ZNF717: variants seen among roughly 807,000 people sequenced by gnomAD.
The protein encoded by ZNF717 is krueppel-like factor X17.
Under a neutral mutation model 13.8 loss-of-function variants are expected in ZNF717, and 9 were observed. The observed-to-expected ratio is 0.65, with a 90% CI of 0.39 to 1.14. The LOEUF is 1.14. Ranked by LOEUF, ZNF717 falls within the 50% of genes most tolerant of loss-of-function variation. The pLI, the probability that ZNF717 is intolerant of heterozygous loss-of-function variation, is 0.01. For synonymous variants in ZNF717, 327 were observed against 364.1 expected (o/e 0.90, Z 1.16); for missense variants, 1,040 against 1,080.7 (o/e 0.96, Z 0.53).
downstream of ZNF717, among the ~76,000 whole-genome samples, chr3:75,734,991 A>G (rs1465905743): frequency 6.6e-6 from 1 of 150,834 alleles, no homozygotes; most frequent in Non-Finnish European, 1.5e-5. Flanking sequence ...ACGTCCAGCT[A>G]ATTTTTTGTA....
At chr3:75,714,378 A>C (rs1401472180) in intron 5 of ZNF717, among the ~76,000 whole-genome samples, 3 of 152,032 alleles carry the variant, frequency 2.0e-5, no homozygotes, top group Non-Finnish European at 2.9e-5. Flanking sequence ...TCTTCTGGTA[A>C]CTTCTCACTA....
chr3:75,754,076 C>A (rs369202376), intron 2 of ZNF717, among the ~76,000 whole-genome samples: 2 of 152,258 alleles, frequency 1.3e-5, no homozygotes, highest in African/African-American at 4.8e-5. Context: ...AGAGTCGTTG[C>A]GAGTGTCTGA....
chr3:75,770,393 T>C (rs1943795513), intron 2 of ZNF717, among the ~76,000 whole-genome samples: 1 of 152,082 alleles, frequency 6.6e-6, no homozygotes, highest in Admixed American at 6.6e-5. Flanking sequence ...AAACCCCATC[T>C]CTACTAAAAA....
At chr3:75,757,243 G>T (rs7432134) in intron 2 of ZNF717, among the ~76,000 whole-genome samples, 3 of 151,452 alleles carry the variant, frequency 2.0e-5, no homozygotes, top group Admixed American at 2.0e-4. Flanking sequence ...TCCCAGCTAG[G>T]GAGGAGTTGA....
At chr3:75,739,382 G>C in intron 4 of ZNF717, 37 bp from the exon 5 acceptor site, 3 of 1,408,956 alleles carry the variant, frequency 2.1e-6, no homozygotes, top group African/African-American at 1.4e-5. Flanking sequence ...AACCACACAT[G>C]AGCATGTCTT....
intron 4 of ZNF717, among the ~76,000 whole-genome samples, chr3:75,722,122 T>G (rs1384417611): frequency 1.3e-4 from 19 of 147,988 alleles, no homozygotes; most frequent in Non-Finnish European, 2.2e-4. Context: ...TAGCTGGGCG[T>G]GGTGGTGGGC....
chr3:75,724,325 C>T (rs1938233083), intron 4 of ZNF717, among the ~76,000 whole-genome samples: 1 of 152,268 alleles, frequency 6.6e-6, no homozygotes, highest in South Asian at 2.1e-4. Flanking sequence ...TCTATGATCT[C>T]TCATCTCTGC....
At chr3:75,701,905 T>C (rs143504000) in intron 6 of ZNF717, among the ~76,000 whole-genome samples, 8,135 of 145,428 alleles carry the variant, frequency 0.056, no homozygotes, top group Non-Finnish European at 0.087. Context: ...CTGATCATCA[T>C]AGAAATGCAA....
At chr3:75,734,813 A>ATTT (rs1196032873), downstream of ZNF717, among the ~76,000 whole-genome samples, 13 of 60,066 alleles carry the variant, frequency 2.2e-4, no homozygotes, top group African/African-American at 9.8e-4. Flanking sequence ...ATATATATAT[A>ATTT]TATATTTTTT....
chr3:75,762,107 G>C (rs566954254), intron 2 of ZNF717, among the ~76,000 whole-genome samples: 179 of 146,466 alleles, frequency 1.2e-3, no homozygotes, highest in African/African-American at 4.2e-3. Context: ...AAAAAGAAAA[G>C]AAAGAAAAAG....
chr3:75,782,519 T>C (rs191979163), intron 2 of ZNF717, among the ~76,000 whole-genome samples: 302 of 142,838 alleles, frequency 2.1e-3, no homozygotes, highest in African/African-American at 6.7e-3. Flanking sequence ...CGTGCTTTAG[T>C]GGAAGATGAC....
exon 6 of ZNF717, chr3:75,709,772 A>C (rs1437379023): frequency 6.6e-6 from 1 of 152,166 alleles, no homozygotes. Context: ...TTTTCTTATT[A>C]CTAGTGACTC....
downstream of ZNF717, among the ~76,000 whole-genome samples, chr3:75,733,328 C>A (rs1167520987): frequency 2.0e-5 from 3 of 152,218 alleles, no homozygotes; most frequent in Non-Finnish European, 4.4e-5. Context: ...ATGTCAGACA[C>A]CAAACCAAAG....
chr3:75,779,296 G>A (rs1486446232), intron 2 of ZNF717, among the ~76,000 whole-genome samples: 1 of 150,174 alleles, frequency 6.7e-6, no homozygotes, highest in African/African-American at 2.5e-5. Flanking sequence ...GGAGTGATCT[G>A]CTAAAACCAG....
chr3:75,739,665 TGTTTTC>T (rs1940099409), intron 4 of ZNF717, among the ~76,000 whole-genome samples: 4 of 126,350 alleles, frequency 3.2e-5, no homozygotes, highest in African/African-American at 1.2e-4. Flanking sequence ...TATTGTCATA[TGTTTTC>T]TCTCTTTTTT....
chr3:75,714,251 G>A (rs76462057), intron 5 of ZNF717, among the ~76,000 whole-genome samples: 11 of 151,928 alleles, frequency 7.2e-5, no homozygotes, highest in Admixed American at 2.0e-4. Context: ...CCCTTTCCTG[G>A]TCTGCTAAGT....
intron 2 of ZNF717, among the ~76,000 whole-genome samples, chr3:75,778,623 G>C (rs1444286847): frequency 6.6e-6 from 1 of 151,008 alleles, no homozygotes; most frequent in Non-Finnish European, 1.5e-5. Context: ...AACAATGGGA[G>C]TGACTTGCTA....
At chr3:75,741,769 G>C (rs75752644) in intron 2 of ZNF717, 33 bp from the exon 3 acceptor site, 2 of 1,567,640 alleles carry the variant, frequency 1.3e-6, no homozygotes, top group Non-Finnish European at 1.7e-6. Flanking sequence ...TAGGTCTCCA[G>C]CATCACGTTC....
intron 2 of ZNF717, among the ~76,000 whole-genome samples, chr3:75,773,694 G>A (rs1432584301): frequency 6.6e-6 from 1 of 152,200 alleles, no homozygotes; most frequent in East Asian, 1.9e-4. Flanking sequence ...CCATTGTGAT[G>A]CAGCTTGGCC....
Sources: allele counts gnomAD v4.1 joint callset (sites outside exome capture counted in the v4.1 genomes callset), GRCh38; gene constraint gnomAD v4.1.1; transcripts MANE v1.5; gene names NCBI Gene and HGNC (gene_info 2026-07-23, HGNC 2026-07-21).